The following CFAP97 variants were observed in gnomAD, a reference collection of about 807,000 sequenced individuals.
The protein encoded by CFAP97 is cilia and flagella associated protein 97.
Under a neutral mutation model 43.1 loss-of-function variants are expected in CFAP97, and 36 were observed. The observed-to-expected ratio is 0.84, with a 90% CI of 0.64 to 1.10. The LOEUF is 1.10. Ranked by LOEUF, CFAP97 falls within the 50% of genes least tolerant of loss-of-function variation. The pLI is 0.00. For missense variants in CFAP97, 657 were observed against 620.3 expected (o/e 1.06, Z -0.63); for synonymous variants, 228 against 225.7 (o/e 1.01, Z -0.09).
intron 1 of CFAP97, among the ~76,000 whole-genome samples, chr4:185,192,997 C>T (rs916990650): frequency 7.9e-5 from 12 of 152,062 alleles, no homozygotes; most frequent in Admixed American, 2.0e-4. Flanking sequence ...ACCTCGGCCT[C>T]CCAAAGTGCT....
In CFAP97 at chr4:185,164,284, TAA is replaced by T. The variant is rs546506584; in HGVS notation, c.1321-107_1321-106del. The T allele has an allele frequency of 9.1e-4, 1,055 of 1,159,566 alleles. 6 individuals are homozygous for T. The South Asian group carries it at 0.012, about 14-fold the overall frequency. 71.8% of individuals were successfully genotyped at this position (1,159,566 alleles called of 1,614,324 possible). On this transcript the variant is annotated intron_variant, in intron 3 of 4. Transcript: ENST00000458385. ...CATTCACTTTCTTTCTTTTTTTTTTTAAGAGACAAGATCTTACTCTGTCACTC... is the reference window on the plus strand; with the variant it reads ...CATTCACTTTCTTTCTTTTTTTTTTTGAGACAAGATCTTACTCTGTCACTC...
chr4:185,201,810 C>G (rs151160035), intron 1 of CFAP97, among the ~76,000 whole-genome samples: 587 of 152,204 alleles, frequency 3.9e-3, no homozygotes, highest in African/African-American at 0.013. Flanking sequence ...AGTTTCAATC[C>G]CTAGAGGTCT....
intron 3 of CFAP97, among the ~76,000 whole-genome samples, chr4:185,173,697 G>C (rs917632766): frequency 1.3e-5 from 2 of 152,118 alleles, no homozygotes; most frequent in African/African-American, 4.8e-5. Flanking sequence ...CGAATTCATA[G>C]AGACAGAAAG....
intron 1 of CFAP97, among the ~76,000 whole-genome samples, chr4:185,195,714 A>G (rs796688427): frequency 1.6e-4 from 25 of 152,342 alleles, no homozygotes; most frequent in African/African-American, 5.8e-4. Flanking sequence ...ATCTTGAGTC[A>G]TCACAAACGT....
At chr4:185,189,543 T>A (rs1184667318) in intron 2 of CFAP97, among the ~76,000 whole-genome samples, 2 of 152,212 alleles carry the variant, frequency 1.3e-5, no homozygotes, top group African/African-American at 4.8e-5. Context: ...AAACTAAATA[T>A]AAATAATAAT....
intron 3 of CFAP97, chr4:185,169,900 A>G: frequency 2.0e-6 from 2 of 987,982 alleles, no homozygotes; most frequent in Non-Finnish European, 2.4e-6. Context: ...AGGAAACCCC[A>G]ATGAAGTAAA....
At chr4:185,178,083 C>T (rs1222823627) in intron 2 of CFAP97, among the ~76,000 whole-genome samples, 1 of 151,854 alleles carries the variant, frequency 6.6e-6, no homozygotes, top group Non-Finnish European at 1.5e-5. Flanking sequence ...GAATGAGAAA[C>T]ATTTAGAGAA....
At position 185,161,557 on chromosome 4, in the gene CFAP97, AATGAG is replaced by A. The variant is rs768701286; in HGVS notation, c.*1236_*1240del. The A allele has an allele frequency of 2.0e-5, 3 of 152,244 alleles. No individual in the cohort carries two copies. The highest frequency in any genetic ancestry group is 4.4e-5 in the Non-Finnish European group (3 of 68,038). The allele number at this position is 152,244 out of a possible 1,614,324, so 9.4% of individuals were successfully genotyped here. A position where few individuals can be genotyped will look rare whatever the true frequency, so the allele number is the denominator to read the frequency against. ...GCTAGTAGTGAAAAACGGCGGTAACAATGAGATAACATACTTTGTTATATAAAAGC... is the reference window on the plus strand; with the variant it reads ...GCTAGTAGTGAAAAACGGCGGTAACAATAACATACTTTGTTATATAAAAGC... On this transcript the variant is annotated 3_prime_UTR_variant, in exon 5 of 5. Transcript: ENST00000458385.
intron 3 of CFAP97, among the ~76,000 whole-genome samples, chr4:185,166,895 GC>G (rs1364402408): frequency 2.0e-5 from 3 of 152,208 alleles, no homozygotes; most frequent in Admixed American, 6.5e-5. Flanking sequence ...CCAACCTGTG[GC>G]TTGCAGGCTG....
intron 3 of CFAP97, among the ~76,000 whole-genome samples, chr4:185,173,837 C>T (rs1383914941): frequency 2.0e-5 from 3 of 152,128 alleles, no homozygotes; most frequent in Non-Finnish European, 4.4e-5. Flanking sequence ...TGTGGATATG[C>T]TTAATGCCAC....
chr4:185,190,684 G>A lies in CFAP97; in HGVS notation c.513C>T (p.Ser171=). The change falls in exon 2 of 5, where the codon TCC becomes TCT. Residue 171 remains serine, a synonymous_variant. Coordinates refer to ENST00000458385, the MANE Select transcript of CFAP97 (RefSeq NM_020827.3). ...AGGAAGATAAAGAGGAGGAGGAAGA[G>A]GAGCTAACTTTGCAATACTTTTTCC... ...SIRKKYCKVS[S]SSSSSLSSSS... The A allele has an allele frequency of 6.4e-7, 1 of 1,571,776 alleles. No homozygotes were observed. The highest frequency in any genetic ancestry group is 1.9e-5 in the Admixed American group (1 of 52,258).
intron 3 of CFAP97, among the ~76,000 whole-genome samples, chr4:185,170,796 C>A (rs1289676341): frequency 6.6e-6 from 1 of 151,078 alleles, no homozygotes; most frequent in African/African-American, 2.4e-5. Flanking sequence ...ACCAGCCTGG[C>A]CAACATGGTG....
chr4:185,192,859 G>A (rs1275660542), intron 1 of CFAP97, among the ~76,000 whole-genome samples: 1 of 148,598 alleles, frequency 6.7e-6, no homozygotes, highest in Non-Finnish European at 1.5e-5. Flanking sequence ...TCCTGCCTCA[G>A]CCTCCCGAGT....
intron 1 of CFAP97, among the ~76,000 whole-genome samples, chr4:185,203,507 C>T (rs1445148931): frequency 1.3e-5 from 2 of 152,194 alleles, no homozygotes; most frequent in Non-Finnish European, 2.9e-5. Flanking sequence ...GTCTACATCC[C>T]CTACCGTCCC....
chr4:185,209,783 G>T (rs1313316202), upstream of CFAP97: 2 of 983,666 alleles, frequency 2.0e-6, no homozygotes, highest in East Asian at 1.1e-4. This position sits in a 1 kb window ranked among gnomAD's most constrained non-coding sequence, Gnocchi z 5.2. Context: ...GCGGGGGACC[G>T]GGGGGCAGGA....
Position 185,184,428 on chromosome 4 carries a change from A to G in CFAP97, c.1054+5715T>C, listed in dbSNP as rs575542865. On this transcript the variant is annotated intron_variant, in intron 2 of 4. Transcript: ENST00000458385. ...TAACCAGTTCTGGGCAAGGAGACCT[A>G]TGTGGATGTTGACTGGGCCAAATTT... Among the ~76,000 whole-genome samples, 3 of 152,272 alleles carry G rather than the reference A, an allele frequency of 2.0e-5. No individual in the cohort carries two copies. The East Asian group carries it at 5.8e-4, about 29-fold the overall frequency.
chr4:185,192,942 G>C (rs901287248), intron 1 of CFAP97, among the ~76,000 whole-genome samples: 1 of 151,856 alleles, frequency 6.6e-6, no homozygotes, highest in Non-Finnish European at 1.5e-5. Context: ...GGGTTTCACC[G>C]TGTTATCCAG....
intron 2 of CFAP97, among the ~76,000 whole-genome samples, chr4:185,183,875 C>G (rs780799489): frequency 8.0e-4 from 122 of 152,182 alleles, no homozygotes; most frequent in Non-Finnish European, 1.5e-3. Context: ...ATGAATAAAG[C>G]TTCCCTTCTA....
chr4:185,176,002 C>T lies in CFAP97; in HGVS notation c.1104G>A (p.Gln368=), dbSNP rs1296952639. The change falls in exon 3 of 5, where the codon CAG becomes CAA. Residue 368 remains glutamine (Q), a synonymous_variant. Coordinates refer to ENST00000458385, the MANE Select transcript of CFAP97 (RefSeq NM_020827.3). Reference sequence around the variant, plus strand: ...AGTTTTTCCCGGGTGCTACTGAAGGCTGATCAAAGTGATGTTTTTGTGGTC... The same window carrying T: ...AGTTTTTCCCGGGTGCTACTGAAGGTTGATCAAAGTGATGTTTTTGTGGTC... ...KKGPQKHHFD[Q]PSVAPGKNYS... The T allele has an allele frequency of 5.6e-6, 9 of 1,612,146 alleles. No homozygotes were observed. Among genetic ancestry groups the T allele is most frequent in the Non-Finnish European group, 7.6e-6 (9 of 1,179,518 alleles).
Sources: allele counts gnomAD v4.1 joint callset (sites outside exome capture counted in the v4.1 genomes callset), GRCh38; gene constraint gnomAD v4.1.1; non-coding constraint Gnocchi (gnomAD v3.1); transcripts MANE v1.5; gene names NCBI Gene and HGNC (gene_info 2026-07-23, HGNC 2026-07-21).